GOLGA8A: variants seen among roughly 807,000 people sequenced by gnomAD.
GOLGA8A encodes the protein golgin A8 family member A.
In GOLGA8A, 3 loss-of-function variants were observed where a neutral mutation model predicts 22.1. The observed-to-expected ratio is 0.14, with a 90% confidence interval of 0.06 to 0.35. GOLGA8A has a LOEUF of 0.35. Among genes scored for constraint, GOLGA8A ranks in the 10% least tolerant of loss-of-function variants. GOLGA8A has a pLI of 1.00. For missense variants in GOLGA8A, 16 were observed against 233.2 expected (o/e 0.07, Z 6.07); for synonymous variants, 7 against 91.7 (o/e 0.08, Z 5.28).
intron 2 of GOLGA8A, among the ~76,000 whole-genome samples, chr15:34,428,103 T>A (rs567860346): frequency 1.4e-5 from 2 of 146,728 alleles, no homozygotes; most frequent in East Asian, 4.0e-4. Flanking sequence ...CTTCTTTTTT[T>A]TTTTTTGAGA....
chr15:34,430,560 C>T lies in GOLGA8A; in HGVS notation c.-1123+4823G>A, dbSNP rs80233216. Among the ~76,000 whole-genome samples, 42 of 149,222 alleles carry T rather than the reference C, an allele frequency of 2.8e-4. 3 individuals are homozygous for T. Among genetic ancestry groups the T allele is most frequent in the Middle Eastern group, 3.4e-3 (1 of 292 alleles). ...TGCAGGGACCTGTGGCCAAAATCGGCCCACTCATCACTCAGCTGACAGCTT... is the reference window on the plus strand; with the variant it reads ...TGCAGGGACCTGTGGCCAAAATCGGTCCACTCATCACTCAGCTGACAGCTT... On this transcript the variant is annotated intron_variant, in intron 2 of 24. Coordinates refer to ENST00000359187, the MANE Select transcript of GOLGA8A (RefSeq NM_181077.5).
Position 34,385,432 on chromosome 15 carries a change from G to GCTCC in GOLGA8A, c.363_366dup (p.Leu123GlyfsTer31). 1.6e-6 allele frequency: 1 copy of GCTCC among 634,128 alleles called. No individual in the cohort carries two copies. Among genetic ancestry groups the GCTCC allele is most frequent in the Non-Finnish European group, 2.6e-6 (1 of 390,152 alleles). The allele number at this position is 634,128 out of a possible 1,614,324, so 39.3% of individuals were successfully genotyped here. A position where few individuals can be genotyped will look rare whatever the true frequency, so the allele number is the denominator to read the frequency against. On this transcript the variant is annotated frameshift_variant, in exon 14 of 25. Coordinates refer to ENST00000359187, the MANE Select transcript of GOLGA8A (RefSeq NM_181077.5). LOFTEE classifies it high-confidence loss of function. ...ACTTCACACCCTCCACTCACCTCTA[G>GCTCC]CTCCCTTTCAGCTTTCTGTTTCTCA...
rs1893198801 is a variant in GOLGA8A at position 34,430,905 on chromosome 15, C to G, written c.-1123+4478G>C. Among the ~76,000 whole-genome samples, 4 of 149,320 alleles carry G rather than the reference C, an allele frequency of 2.7e-5. 2 individuals are homozygous for G. Among genetic ancestry groups the G allele is most frequent in the Non-Finnish European group, 5.9e-5 (4 of 67,248 alleles). Reference sequence around the variant, plus strand: ...AGAGCTTCCAGTTCCTAACACACGCCTGGCCCCACTGCACCACACCCGTGA... The same window carrying G: ...AGAGCTTCCAGTTCCTAACACACGCGTGGCCCCACTGCACCACACCCGTGA... On this transcript the variant is annotated intron_variant, in intron 2 of 24. Transcript: ENST00000359187.
intron 2 of GOLGA8A, among the ~76,000 whole-genome samples, chr15:34,432,021 C>T (rs1335605038): frequency 1.3e-5 from 2 of 149,090 alleles, no homozygotes; most frequent in African/African-American, 4.9e-5. Flanking sequence ...ATAAGAGTTT[C>T]CTCAGAACTG....
rs1243459590 is a variant in GOLGA8A, at chr15:34,423,736, T to G, written c.-1123+11647A>C. Among the ~76,000 whole-genome samples the G allele has an allele frequency of 2.0e-5, 3 of 149,090 alleles. No individual in the cohort carries two copies. In the East Asian group the frequency reaches 6.0e-4, roughly 30 times the overall value. ...GCACGGGCAGCACCTCCTGGCACAG[T>G]CAGGGTGGGGGCTCCCCTCAACCAG... On this transcript the variant is annotated intron_variant, in intron 2 of 24. Transcript: ENST00000359187.
chr15:34,436,043 G>A (rs2140300479), intron 1 of GOLGA8A, among the ~76,000 whole-genome samples: 1 of 148,922 alleles, frequency 6.7e-6, no homozygotes, highest in East Asian at 2.0e-4. Flanking sequence ...GCAGAGTGCA[G>A]GGCATCCTGG....
intron 2 of GOLGA8A, chr15:34,417,590 T>G (rs1892625403): frequency 6.9e-6 from 1 of 145,308 alleles, no homozygotes; most frequent in South Asian, 2.5e-4. Flanking sequence ...ATTTTCCTAA[T>G]TTTGAATCAT....
rs146724380 is a variant in GOLGA8A at position 34,427,193 on chromosome 15, T to A, written c.-1123+8190A>T. Among the ~76,000 whole-genome samples the A allele has an allele frequency of 2.1e-5, 3 of 145,722 alleles. 1 individual carries two copies. Among genetic ancestry groups the A allele is most frequent in the Non-Finnish European group, 4.5e-5 (3 of 66,182 alleles). The stretch of plus-strand genomic sequence containing the variant: ...TAAAAATACAAAAGTTAGCCGGGAG[T>A]GGTGGCGGGCGCCTGTAGTCCCAGC... On this transcript the variant is annotated intron_variant, in intron 2 of 24. Coordinates refer to ENST00000359187, the MANE Select transcript of GOLGA8A (RefSeq NM_181077.5).
At chr15:34,419,083 T>C (rs1892693710) in intron 2 of GOLGA8A, 2 of 137,066 alleles carry the variant, frequency 1.5e-5, no homozygotes, top group Non-Finnish European at 3.1e-5. Flanking sequence ...TTTTGTATTT[T>C]TGTAGAGACA....
At position 34,379,919 on chromosome 15, in the gene GOLGA8A, A is replaced by G. The variant is rs1179788192; in HGVS notation, c.*1492T>C. The stretch of plus-strand genomic sequence containing the variant: ...CTGAAAATGAGAGGTACAAAAACGT[A>G]TTTCACTCTTCGTAAAGAAGTTTGT... On this transcript the variant is annotated 3_prime_UTR_variant, in exon 25 of 25. Coordinates refer to ENST00000359187, the MANE Select transcript of GOLGA8A (RefSeq NM_181077.5). The G allele has an allele frequency of 1.3e-5, 2 of 152,670 alleles. No homozygotes were observed. The highest frequency in any genetic ancestry group is 2.9e-5 in the Non-Finnish European group (2 of 68,048). 9.5% of individuals were successfully genotyped at this position (152,670 alleles called of 1,614,324 possible).
At chr15:34,420,050 A>C (rs1199693147) in intron 2 of GOLGA8A, 1 of 149,484 alleles carries the variant, frequency 6.7e-6, no homozygotes, top group Non-Finnish European at 1.5e-5. Flanking sequence ...CAACACTGTG[A>C]GTGTATTTAA....
At chr15:34,421,614 A>C (rs1242755484) in intron 2 of GOLGA8A, among the ~76,000 whole-genome samples, 3 of 144,056 alleles carry the variant, frequency 2.1e-5, no homozygotes, top group African/African-American at 7.6e-5. Flanking sequence ...TGGACTTCTA[A>C]TCATGCCATC....
At chr15:34,425,747 T>C (rs1892957728) in intron 2 of GOLGA8A, among the ~76,000 whole-genome samples, 1 of 145,916 alleles carries the variant, frequency 6.9e-6, no homozygotes, top group African/African-American at 2.5e-5. Flanking sequence ...AAGGAAAAGC[T>C]TCACAAATCA....
rs562911533 is a variant in GOLGA8A at position 34,421,116 on chromosome 15, A to T, written c.-1122-13381T>A. On this transcript the variant is annotated intron_variant, in intron 2 of 24. Transcript: ENST00000359187. ...ATACAAAACCACATGGGCCCTCGAG[A>T]TCACACTGGGGCGCCCCCTTTGCCC... Among the ~76,000 whole-genome samples the T allele has an allele frequency of 3.5e-3, 486 of 140,718 alleles. 27 individuals carry two copies. The highest frequency in any genetic ancestry group is 0.012 in the African/African-American group (455 of 38,166). 92.3% of individuals were successfully genotyped at this position (140,718 alleles called of 152,430 possible).
chr15:34,433,858 A>C (rs904721854), intron 2 of GOLGA8A, among the ~76,000 whole-genome samples: 1 of 149,634 alleles, frequency 6.7e-6, no homozygotes, highest in African/African-American at 2.5e-5. Flanking sequence ...AAGGAGAAAC[A>C]CAAAGCAAGG....
chr15:34,437,216 C>G (rs907081928), intron 1 of GOLGA8A, among the ~76,000 whole-genome samples, 182 bp downstream of exon 1: 1 of 146,892 alleles, frequency 6.8e-6, no homozygotes, highest in Admixed American at 6.8e-5. Flanking sequence ...GGCCGCCGGG[C>G]TGCACCCCTA....
At chr15:34,435,916 A>G (rs1442427234) in intron 1 of GOLGA8A, among the ~76,000 whole-genome samples, 1 of 148,996 alleles carries the variant, frequency 6.7e-6, no homozygotes, top group Non-Finnish European at 1.5e-5. Flanking sequence ...GAGCCCCAGC[A>G]GGTTCCACGT....
In GOLGA8A at chr15:34,436,619, G is replaced by A. The variant is rs184162236; in HGVS notation, c.-1212+779C>T. Among the ~76,000 whole-genome samples the A allele has an allele frequency of 1.3e-5, 2 of 150,148 alleles. 1 individual carries two copies. Among genetic ancestry groups the A allele is most frequent in the African/African-American group, 4.9e-5 (2 of 40,864 alleles). On this transcript the variant is annotated intron_variant, in intron 1 of 24. Coordinates refer to ENST00000359187, the MANE Select transcript of GOLGA8A (RefSeq NM_181077.5). ...GTTCCCCGCACCCTCCCTCCGCGTC[G>A]GCCCGGAGAAAAGGAAGTTCGCCCC...
At chr15:34,429,855 T>G (rs1893150952) in intron 2 of GOLGA8A, among the ~76,000 whole-genome samples, 1 of 148,062 alleles carries the variant, frequency 6.8e-6, no homozygotes, top group South Asian at 2.2e-4. Context: ...ACGGGCAAGG[T>G]GAGACCTACC....
Sources: allele counts gnomAD v4.1 joint callset (sites outside exome capture counted in the v4.1 genomes callset), GRCh38; gene constraint gnomAD v4.1.1; transcripts MANE v1.5; gene names NCBI Gene and HGNC (gene_info 2026-07-23, HGNC 2026-07-21).